The following TTN variants were observed in gnomAD, a reference collection of about 807,000 sequenced individuals.
TTN encodes titin.
In TTN, 1,525 loss-of-function variants were observed where a neutral mutation model predicts 3,223.0. The observed-to-expected ratio is 0.47, with a 90% confidence interval of 0.45 to 0.49. The LOEUF (loss-of-function observed/expected upper bound fraction) is 0.49. Ranked by LOEUF, TTN falls within the 20% of genes least tolerant of loss-of-function variation. The pLI is 0.00. For missense variants in TTN, 40,786 were observed against 43,424.0 expected (o/e 0.94, Z 5.40); for synonymous variants, 14,094 against 15,161.0 (o/e 0.93, Z 5.17).
chr2:178,581,315 T>C (rs952139324), intron 316 of TTN, among the ~76,000 whole-genome samples, 184 bp downstream of exon 316: 2 of 152,040 alleles, frequency 1.3e-5, no homozygotes, highest in African/African-American at 2.4e-5. Flanking sequence ...CCACAAATCA[T>C]GTGCATTTGA....
Position 178,730,948 on chromosome 2 carries a change from C to T in TTN, c.17717G>A (p.Cys5906Tyr), listed in dbSNP as rs1239818599. 1 of 1,608,172 alleles carries T rather than the reference C, an allele frequency of 6.2e-7. No individual in the cohort carries two copies. The highest frequency in any genetic ancestry group is 1.3e-5 in the African/African-American group (1 of 74,854). ...ACCTAATACATTAATTCTAGCCTTG[C>T]AGCTGCTCCTCCCAACATCATTTTG... ...EVQNDVGRSS[C>Y]KARINVLDLI... Residue 5906 changes from cysteine (C) to tyrosine (Y), a missense_variant, in exon 60 of 363, where the codon TGC (cysteine) becomes TAC (tyrosine). Transcript: ENST00000589042.
At chr2:178,615,927 G>A in intron 257 of TTN, 139 bp from the exon 258 acceptor site, 1 of 981,154 alleles carries the variant, frequency 1.0e-6, no homozygotes, top group Non-Finnish European at 1.4e-6. Flanking sequence ...TTCATATTAG[G>A]GAAAATTGCA....
In TTN at chr2:178,652,490, G is replaced by C; in HGVS notation, c.39095C>G (p.Pro13032Arg). The C allele has an allele frequency of 6.2e-7, 1 of 1,613,646 alleles. No individual in the cohort carries two copies. The highest frequency in any genetic ancestry group is 8.5e-7 in the Non-Finnish European group (1 of 1,179,656). The change falls in exon 202 of 363, where the codon CCT (proline) becomes CGT (arginine). Residue 13032 changes from proline to arginine, a missense_variant. Pro to Arg is a moderately radical substitution (Grantham distance 103). Coordinates refer to ENST00000589042, the MANE Select transcript of TTN (RefSeq NM_001267550.2). The part of the protein sequence containing the change: ...VVPEKKVPAA[P>R]PKKPEVTPVK... Reference sequence around the variant, plus strand: ...AGGTGTGACTTCAGGCTTTTTAGGAGGAGCCGCTGGCACTTTCTTTTCAGG... The same window carrying C: ...AGGTGTGACTTCAGGCTTTTTAGGACGAGCCGCTGGCACTTTCTTTTCAGG...
In TTN at chr2:178,547,281, G is replaced by A. The variant is rs756168192; in HGVS notation, c.94244C>T (p.Pro31415Leu). The change falls in exon 340 of 363, where the codon CCT (proline) becomes CTT (leucine). Residue 31415 changes from proline (P) to leucine (L), a missense_variant. By Grantham distance (98) the Pro-to-Leu change is moderately conservative. Coordinates refer to ENST00000589042, the MANE Select transcript of TTN (RefSeq NM_001267550.2). ...PFVPPSAPTR[P>L]EVYHVSANAM... ...ATTGGCAGACACATGGTAGACCTCA[G>A]GTCTGGTAGGAGCGCTTGGTGGGAC... 1 of 1,611,998 alleles carries A rather than the reference G, an allele frequency of 6.2e-7. No homozygotes were observed. The highest frequency in any genetic ancestry group is 8.5e-7 in the Non-Finnish European group (1 of 1,178,544).
At position 178,588,963 on chromosome 2, in the gene TTN, G is replaced by C. The variant is rs2154183465; in HGVS notation, c.62762C>G (p.Pro20921Arg). ...WSTYSATVLT[P>R]GTTVTRLIEG... The stretch of plus-strand genomic sequence containing the variant: ...TATGAGACGTGTTACTGTAGTACCA[G>C]GTGTCAAGACAGTAGCAGAATAGGT... Residue 20921 changes from proline to arginine, a missense_variant, in exon 304 of 363, where the codon CCT becomes CGT. Pro to Arg is a moderately radical substitution (Grantham distance 103). Coordinates refer to ENST00000589042, the MANE Select transcript of TTN (RefSeq NM_001267550.2). 2 of 1,612,472 alleles carry C rather than the reference G, an allele frequency of 1.2e-6. No individual in the cohort carries two copies. The highest frequency in any genetic ancestry group is 4.5e-5 in the East Asian group (2 of 44,566).
Position 178,629,307 on chromosome 2 carries a change from G to A in TTN, c.44418C>T (p.Ser14806=), listed in dbSNP as rs368005198. The change falls in exon 240 of 363, where the codon AGC becomes AGT. Residue 14806 remains serine, a synonymous_variant. Coordinates refer to ENST00000589042, the MANE Select transcript of TTN (RefSeq NM_001267550.2). ...WYLKGKKLEP[S]DKVVPRSEGK... is the part of the protein sequence containing the mutation. ...AGGCATGCCTGCTTTTTACCTTATC[G>A]CTGGGCTCTAGTTTCTTCCCTTTGA... is the stretch of plus-strand genomic sequence containing the variant. The A allele has an allele frequency of 3.2e-5, 52 of 1,612,248 alleles. No individual in the cohort carries two copies. The highest frequency in any genetic ancestry group is 3.9e-5 in the Non-Finnish European group (46 of 1,179,058).
rs988374698 is a variant in TTN at position 178,631,182 on chromosome 2, C to T, written c.43866G>A (p.Gly14622=). 2 of 1,613,146 alleles carry T rather than the reference C, an allele frequency of 1.2e-6. No individual in the cohort carries two copies. Among genetic ancestry groups the T allele is most frequent in the Non-Finnish European group, 1.7e-6 (2 of 1,179,586 alleles). The change falls in exon 237 of 363, where the codon GGG becomes GGA. Residue 14622 remains glycine (G), a synonymous_variant. Transcript: ENST00000589042. ...CATTTTTGGATGGCTTTATTTCCTT[C>T]CCATCCTTAAACCATTTCACTGGTG... is the stretch of plus-strand genomic sequence containing the variant. ...ADAPVKWFKD[G]KEIKPSKNAV...
chr2:178,774,326 G>C lies in TTN; in HGVS notation c.6938C>G (p.Thr2313Arg), dbSNP rs794729579. ...DVELKSNGKY[T>R]ITSRRGRQNL... is the part of the protein sequence containing the mutation. ...CTGACGTCCACGACGAGATGTAATT[G>C]TATATTTGCCATTGGATTTAAGCTC... is the stretch of plus-strand genomic sequence containing the variant. Residue 2313 changes from threonine (T) to arginine (R), a missense_variant, in exon 30 of 363, where the codon ACA (threonine) becomes AGA (arginine). Transcript: ENST00000589042. 2.5e-6 allele frequency: 4 copies of C among 1,614,030 alleles called. No homozygotes were observed. In the Admixed American group the frequency reaches 5.0e-5, roughly 20 times the overall value.
chr2:178,747,322 T>G, intron 47 of TTN: 1 of 1,613,372 alleles, frequency 6.2e-7, no homozygotes, highest in Non-Finnish European at 8.5e-7. Flanking sequence ...TGGAATATCT[T>G]TCAACTGTCT....
chr2:178,620,873 GCTT>G lies in TTN; in HGVS notation c.45734_45736del (p.Glu15245del). On this transcript the variant is annotated inframe_deletion, in exon 247 of 363. Transcript: ENST00000589042. ...GATGTATTTTGAACTATCAAATATA[GCTT>G]CTTCATTTCTGAACCATTTGGCTTT... 3 of 1,612,466 alleles carry G rather than the reference GCTT, an allele frequency of 1.9e-6. No homozygotes were observed. The highest frequency in any genetic ancestry group is 2.5e-6 in the Non-Finnish European group (3 of 1,179,092).
At position 178,558,222 on chromosome 2, in the gene TTN, A is replaced by C. The variant is rs746974034; in HGVS notation, c.87132T>G (p.Ile29044Met). Reference sequence around the variant, plus strand: ...TGTGACTTGGGAAATTCTTCATATCAATTTCAGGTGGTTCTGAAAAATGAG... The same window carrying C: ...TGTGACTTGGGAAATTCTTCATATCCATTTCAGGTGGTTCTGAAAAATGAG... ...LIKEQLEPPE[I>M]DMKNFPSHTV... Residue 29044 changes from isoleucine to methionine, a missense_variant, in exon 328 of 363, where the codon ATT (isoleucine) becomes ATG (methionine). Ile to Met is a conservative substitution (Grantham distance 10). Transcript: ENST00000589042. 9 of 1,605,290 alleles carry C rather than the reference A, an allele frequency of 5.6e-6. No individual in the cohort carries two copies. In the African/African-American group the frequency reaches 8.1e-5, roughly 14 times the overall value.
intron 208 of TTN, 145 bp from the exon 209 acceptor site, chr2:178,650,979 C>A: frequency 1.1e-6 from 1 of 913,098 alleles, no homozygotes; most frequent in Non-Finnish European, 1.7e-6. Context: ...TGTCTTTGGA[C>A]CCTCATATAG....
In TTN at chr2:178,792,185, TTTC is replaced by T. The variant is rs1231080591; in HGVS notation, c.1546_1548del (p.Glu516del). 4 of 1,606,994 alleles carry T rather than the reference TTTC, an allele frequency of 2.5e-6. No homozygotes were observed. The Admixed American group carries it at 5.1e-5, about 20-fold the overall frequency. ...ACCTTTGGTACAAATGTTTTTTCAG[TTTC>T]TTTTCTTATCTGCAAAGAATGATTT... On this transcript the variant is annotated inframe_deletion, in exon 10 of 363. Coordinates refer to ENST00000589042, the MANE Select transcript of TTN (RefSeq NM_001267550.2).
In TTN at chr2:178,666,863, T is replaced by A. The variant is rs772658958; in HGVS notation, c.35836A>T (p.Thr11946Ser). The change falls in exon 163 of 363, where the codon ACT becomes TCT. Residue 11946 changes from threonine to serine, a missense_variant. Thr to Ser is a moderately conservative substitution (Grantham distance 58). Coordinates refer to ENST00000589042, the MANE Select transcript of TTN (RefSeq NM_001267550.2). ...GTTTTTCTTCTTTTAACAATAGGAGTTTCTCCCTCTGGAATGACTTCCTTG... is the reference window on the plus strand; with the variant it reads ...GTTTTTCTTCTTTTAACAATAGGAGATTCTCCCTCTGGAATGACTTCCTTG... ...VFKEVIPEGE[T>S]PIVKRRKTPS... is the part of the protein sequence containing the mutation. 4 of 1,571,436 alleles carry A rather than the reference T, an allele frequency of 2.5e-6. No individual in the cohort carries two copies. In the African/African-American group the frequency reaches 5.4e-5, roughly 21 times the overall value.
At chr2:178,706,358 T>C (rs1192217629) in intron 102 of TTN, 96 bp downstream of exon 102, 2 of 1,339,342 alleles carry the variant, frequency 1.5e-6, no homozygotes, top group Admixed American at 5.6e-5. Flanking sequence ...AATTTTTTGT[T>C]CTTTAATACT....
intron 223 of TTN, among the ~76,000 whole-genome samples, chr2:178,638,300 TAAAAA>T (rs1455201551): frequency 1.3e-5 from 2 of 150,564 alleles, no homozygotes; most frequent in East Asian, 3.9e-4. Flanking sequence ...TAATTTTAAA[TAAAAA>T]AATTTCTAAA....
chr2:178,772,501 A>G (rs2154344003), intron 33 of TTN, among the ~76,000 whole-genome samples: 1 of 152,340 alleles, frequency 6.6e-6, no homozygotes, highest in Admixed American at 6.5e-5. Context: ...AAGAAATTCT[A>G]CTGAATGATG....
rs879038939 is a variant in TTN, at chr2:178,781,196, C to A, written c.3448G>T (p.Asp1150Tyr). 6 of 1,613,948 alleles carry A rather than the reference C, an allele frequency of 3.7e-6. No homozygotes were observed. Among genetic ancestry groups the A allele is most frequent in the Non-Finnish European group, 5.1e-6 (6 of 1,179,984 alleles). ...KLVISMTFAD[D>Y]AGEYTIVVRN... ...ACAACAATAGTGTATTCTCCAGCAT[C>A]ATCAGCAAAAGTCATAGAAATCACC... The change falls in exon 21 of 363, where the codon GAT becomes TAT. Residue 1150 changes from aspartate (D) to tyrosine (Y), a missense_variant. Transcript: ENST00000589042.
At chr2:178,686,056 T>C (rs1198254444) in intron 127 of TTN, among the ~76,000 whole-genome samples, 1 of 151,466 alleles carries the variant, frequency 6.6e-6, no homozygotes, top group Non-Finnish European at 1.5e-5. Flanking sequence ...GGGGCAGGTA[T>C]GGTAGAAGAG....
Sources: gnomAD v4.1 joint callset for allele counts (sites outside exome capture counted in the v4.1 genomes callset) on GRCh38, gnomAD v4.1.1 for gene constraint, MANE v1.5 for transcripts, NCBI Gene and HGNC (gene_info 2026-07-23, HGNC 2026-07-21) for gene names.